ALDH1L1: variants seen among roughly 807,000 people sequenced by gnomAD.
ALDH1L1 encodes the protein cytosolic 10-formyltetrahydrofolate dehydrogenase.
In ALDH1L1, 68 loss-of-function variants were observed where a neutral mutation model predicts 101.1. The ratio of observed to expected loss-of-function variants is 0.67; its 90% CI spans 0.55 to 0.82. ALDH1L1 has a LOEUF of 0.82. Among genes scored for constraint, ALDH1L1 ranks in the 40% least tolerant of loss-of-function variants. ALDH1L1 has a pLI of 0.00. For missense variants in ALDH1L1, 1,087 were observed against 1,172.7 expected, an observed-to-expected ratio of 0.93 and a Z score of 1.07; for synonymous variants, 486 against 470.8, an observed-to-expected ratio of 1.03 and a Z score of -0.42.
Position 126,127,505 on chromosome 3 carries a change from TTC to T in ALDH1L1, c.1695-1786_1695-1785del, listed in dbSNP as rs565164812. Among the ~76,000 whole-genome samples the T allele has an allele frequency of 2.6e-5, 4 of 152,136 alleles. No homozygotes were observed. In the South Asian group the frequency reaches 8.3e-4, roughly 32 times the overall value. On this transcript the variant is annotated intron_variant, in intron 14 of 22. Coordinates refer to ENST00000393434, the MANE Select transcript of ALDH1L1 (RefSeq NM_012190.4). Reference sequence around the variant, plus strand: ...GCATGGACGGTGAGGGTGGAGTTCCTTCTCTCTCTCGGGAGCATGGAGCCTGG... The same window carrying T: ...GCATGGACGGTGAGGGTGGAGTTCCTTCTCTCTCGGGAGCATGGAGCCTGG...
chr3:126,186,960 T>C (rs1267813794), intron 1 of ALDH1L1, among the ~76,000 whole-genome samples: 1 of 152,068 alleles, frequency 6.6e-6, no homozygotes. Flanking sequence ...GCACGGACGC[T>C]GGGAGGGCAA....
At chr3:126,105,668 G>C (rs1208612768) in intron 22 of ALDH1L1, 58 bp downstream of exon 22, 2 of 1,596,868 alleles carry the variant, frequency 1.3e-6, no homozygotes, top group African/African-American at 2.7e-5. Context: ...AAGTGGTTTT[G>C]AACAGATGTT....
chr3:126,167,555 A>G (rs1358816006), intron 1 of ALDH1L1, among the ~76,000 whole-genome samples: 1 of 152,146 alleles, frequency 6.6e-6, no homozygotes, highest in Non-Finnish European at 1.5e-5. Context: ...TTACCTGTCT[A>G]GAAAATCTCA....
intron 1 of ALDH1L1, among the ~76,000 whole-genome samples, chr3:126,169,361 C>A (rs941007342): frequency 8.5e-5 from 13 of 152,276 alleles, no homozygotes; most frequent in Admixed American, 7.2e-4. Context: ...AAGGACAACA[C>A]TACAGTTGTT....
At chr3:126,170,195 A>T (rs2081247202) in intron 1 of ALDH1L1, among the ~76,000 whole-genome samples, 1 of 152,204 alleles carries the variant, frequency 6.6e-6, no homozygotes, top group Non-Finnish European at 1.5e-5. Context: ...TTTTAAGCCA[A>T]CTATTAAAAC....
chr3:126,171,526 A>C (rs1559974253), intron 1 of ALDH1L1, among the ~76,000 whole-genome samples: 1 of 152,216 alleles, frequency 6.6e-6, no homozygotes, highest in Non-Finnish European at 1.5e-5. Flanking sequence ...TTTCTCTAAA[A>C]TAAATGTCTT....
chr3:126,122,681 G>C (rs978625577), intron 16 of ALDH1L1, among the ~76,000 whole-genome samples: 1 of 152,104 alleles, frequency 6.6e-6, no homozygotes, highest in African/African-American at 2.4e-5. Flanking sequence ...GCACAAACAG[G>C]GAGAAGATAA....
chr3:126,115,339 G>A lies in ALDH1L1; in HGVS notation c.1983-683C>T, dbSNP rs182436684. 4.7e-5 allele frequency: 15 copies of A among 321,466 alleles called. 3 individuals carry two copies. Among genetic ancestry groups the A allele is most frequent in the African/African-American group, 2.4e-4 (11 of 46,160 alleles). The allele number at this position is 321,466 out of a possible 1,614,324, so 19.9% of individuals were successfully genotyped here. On this transcript the variant is annotated intron_variant, in intron 17 of 22. Coordinates refer to ENST00000393434, the MANE Select transcript of ALDH1L1 (RefSeq NM_012190.4). ...GCCGGCAGGTAGGAGGCTCCACTGG[G>A]GAGGAGAGGCCTCCTCTGCAGAAGC... is the stretch of plus-strand genomic sequence containing the variant.
intron 1 of ALDH1L1, among the ~76,000 whole-genome samples, chr3:126,167,000 C>T (rs2081181515): frequency 6.6e-6 from 1 of 152,012 alleles, no homozygotes; most frequent in Admixed American, 6.6e-5. Flanking sequence ...GCAAACTAGT[C>T]CAGTTTAATT....
At chr3:126,180,403 G>GC (rs1364415886) in intron 1 of ALDH1L1, 73 bp downstream of exon 1, 1 of 973,120 alleles carries the variant, frequency 1.0e-6, no homozygotes, top group South Asian at 4.7e-5. Flanking sequence ...AGCCCCCGGA[G>GC]CCCCCGGAGC....
intron 1 of ALDH1L1, among the ~76,000 whole-genome samples, chr3:126,190,333 T>G (rs1233098503): frequency 1.3e-5 from 2 of 152,176 alleles, no homozygotes; most frequent in Non-Finnish European, 2.9e-5. Flanking sequence ...GGCTATCAAC[T>G]CTTTTAGCAA....
chr3:126,150,556 T>C, intron 7 of ALDH1L1, 25 bp from the exon 8 acceptor site: 1 of 1,544,398 alleles, frequency 6.5e-7, no homozygotes, highest in Non-Finnish European at 8.8e-7. Flanking sequence ...ATTTCTTTTC[T>C]TTTCTTTTCT....
At chr3:126,141,644 C>A (rs2080570437) in intron 9 of ALDH1L1, among the ~76,000 whole-genome samples, 2 of 151,938 alleles carry the variant, frequency 1.3e-5, no homozygotes, top group Admixed American at 1.3e-4. Context: ...CTAGAAAATA[C>A]CTTTAGTCAA....
intron 14 of ALDH1L1, among the ~76,000 whole-genome samples, chr3:126,126,336 G>A (rs535173721): frequency 5.9e-5 from 9 of 152,288 alleles, no homozygotes; most frequent in African/African-American, 1.9e-4. Context: ...CACACTGGCC[G>A]GGTATGAATC....
At chr3:126,154,483 T>C (rs536914282) in intron 6 of ALDH1L1, 71 bp downstream of exon 6, 2 of 1,459,986 alleles carry the variant, frequency 1.4e-6, no homozygotes, top group African/African-American at 2.8e-5. Context: ...AGTTCAAACA[T>C]GTGTGACAGT....
chr3:126,105,233 G>A (rs529639074), intron 22 of ALDH1L1: 104 of 237,258 alleles, frequency 4.4e-4, no homozygotes, highest in Non-Finnish European at 7.9e-4. Context: ...CTGAGCCCCT[G>A]ACCATGGCCC....
intron 10 of ALDH1L1, 86 bp from the exon 11 acceptor site, chr3:126,136,969 C>A: frequency 6.4e-7 from 1 of 1,555,504 alleles, no homozygotes; most frequent in Non-Finnish European, 8.7e-7. Flanking sequence ...CACACACACA[C>A]TGCCCAGGGG....
intron 22 of ALDH1L1, chr3:126,104,119 G>A: frequency 1.9e-6 from 1 of 529,512 alleles, no homozygotes; most frequent in African/African-American, 1.9e-5. Flanking sequence ...ACAGTGGGAA[G>A]CCCCTTCAGG....
At chr3:126,127,413 T>C (rs1158346422) in intron 14 of ALDH1L1, among the ~76,000 whole-genome samples, 2 of 152,134 alleles carry the variant, frequency 1.3e-5, no homozygotes, top group African/African-American at 2.4e-5. Flanking sequence ...CCTCCCTCCC[T>C]TGGGGCCATT....
Sources: gnomAD v4.1 joint callset for allele counts (sites outside exome capture counted in the v4.1 genomes callset) on GRCh38, gnomAD v4.1.1 for gene constraint, MANE v1.5 for transcripts, NCBI Gene and HGNC (gene_info 2026-07-23, HGNC 2026-07-21) for gene names.